The following FOXL2 variants were observed in gnomAD, a reference collection of about 807,000 sequenced individuals.
The protein encoded by FOXL2 is forkhead box L2, also known as forkhead box protein L2.
FOXL2 carries 3 observed loss-of-function variants against 2.5 expected under a neutral mutation model. That is an observed-to-expected ratio of 1.20 (90% CI 0.55 to 3.11). The LOEUF (loss-of-function observed/expected upper bound fraction) is 3.11. FOXL2 is among the 30% of genes most tolerant of loss of function. The pLI is 0.03. For synonymous variants in FOXL2, 315 were observed against 269.4 expected, an observed-to-expected ratio of 1.17 and a Z score of -1.66; for missense variants, 512 against 570.0, an observed-to-expected ratio of 0.90 and a Z score of 1.04.
chr3:138,946,256 G>T lies in FOXL2; in HGVS notation c.467C>A (p.Pro156Gln). 16 of 1,592,334 alleles carry T rather than the reference G, an allele frequency of 1.0e-5. No individual in the cohort carries two copies. Among genetic ancestry groups the T allele is most frequent in the Non-Finnish European group, 1.3e-5 (15 of 1,170,378 alleles). Residue 156 changes from proline to glutamine, a missense_variant, in exon 1 of 1, where the codon CCG becomes CAG. Transcript: ENST00000648323. ...RRRMKRPFRP[P>Q]PAHFQPGKGL... ...CTTGCCGGGCTGGAAGTGCGCGGGC[G>T]GCGGCCGGAAGGGCCTCTTCATGCG... is the stretch of plus-strand genomic sequence containing the variant.
At position 138,946,966 on chromosome 3, in the gene FOXL2, A is replaced by T; in HGVS notation, c.-244T>A. On this transcript the variant is annotated 5_prime_UTR_variant, in exon 1 of 1. Transcript: ENST00000648323. ...GCCATGGGGAGTCCGCCCAACAGAGAGGGGCTCCGGCCTCGCCGCCCCTCC... is the reference window on the plus strand; with the variant it reads ...GCCATGGGGAGTCCGCCCAACAGAGTGGGGCTCCGGCCTCGCCGCCCCTCC... The T allele has an allele frequency of 1.7e-6, 1 of 572,872 alleles. No individual in the cohort carries two copies. The highest frequency in any genetic ancestry group is 3.0e-6 in the Non-Finnish European group (1 of 330,254). 35.5% of individuals were successfully genotyped at this position (572,872 alleles called of 1,614,324 possible).
In FOXL2 at chr3:138,946,813, G is replaced by C. The variant is rs1210109831; in HGVS notation, c.-91C>G. On this transcript the variant is annotated 5_prime_UTR_variant, in exon 1 of 1. Transcript: ENST00000648323. ...AGTTGGGGCGCACGAGTCCGCTTAC[G>C]GCCAAGTCTCAAACTTCTGGAGACT... is the stretch of plus-strand genomic sequence containing the variant. 2 of 1,507,034 alleles carry C rather than the reference G, an allele frequency of 1.3e-6. No individual in the cohort carries two copies. The highest frequency in any genetic ancestry group is 1.4e-5 in the African/African-American group (1 of 70,704). The allele number at this position is 1,507,034 out of a possible 1,614,324, so 93.4% of individuals were successfully genotyped here.
chr3:138,944,811 C>CT lies in FOXL2; in HGVS notation c.*780dup, dbSNP rs35050049. ...CCGGTTGCCCGGTGAATTTTTTTTC[C>CT]TTTTTTTTTTTTTAAATACTCTCTT... is the stretch of plus-strand genomic sequence containing the variant. On this transcript the variant is annotated 3_prime_UTR_variant, in exon 1 of 1. Coordinates refer to ENST00000648323, the MANE Select transcript of FOXL2 (RefSeq NM_023067.4). 0.097 allele frequency: 20,023 copies of CT among 207,034 alleles called. 1,297 individuals are homozygous for CT. Among genetic ancestry groups the CT allele is most frequent in the African/African-American group, 0.24 (10,630 of 43,572 alleles). The allele number at this position is 207,034 out of a possible 1,614,324, so 12.8% of individuals were successfully genotyped here. A position where few individuals can be genotyped will look rare whatever the true frequency, so the allele number is the denominator to read the frequency against.
rs1935915589 is a variant in FOXL2, at chr3:138,944,920, A to G, written c.*672T>C. On this transcript the variant is annotated 3_prime_UTR_variant, in exon 1 of 1. Transcript: ENST00000648323. ...CCCGAAGCGACGGGACTGATAGCGG[A>G]GGAAACGCAGCCTCCCTCCGCGCCC... 4.3e-6 allele frequency: 1 copy of G among 232,586 alleles called. No homozygotes were observed. Among genetic ancestry groups the G allele is most frequent in the Non-Finnish European group, 8.5e-6 (1 of 117,678 alleles). The allele number at this position is 232,586 out of a possible 1,614,324, so 14.4% of individuals were successfully genotyped here.
chr3:138,946,021 C>A lies in FOXL2; in HGVS notation c.702G>T (p.Ala234=). ...AAAAAAAAAA[A]GPGSPGAAAV... is the part of the protein sequence containing the mutation. ...CGGCCGCGCCAGGGCTACCGGGGCC[C>A]GCGGCTGCAGCCGCAGCTGCTGCAG... is the stretch of plus-strand genomic sequence containing the variant. The change falls in exon 1 of 1, where the codon GCG becomes GCT. Residue 234 remains alanine, a synonymous_variant. Coordinates refer to ENST00000648323, the MANE Select transcript of FOXL2 (RefSeq NM_023067.4). 1.4e-6 allele frequency: 2 copies of A among 1,391,036 alleles called. No individual in the cohort carries two copies. The highest frequency in any genetic ancestry group is 3.0e-5 in the East Asian group (1 of 33,174). 86.2% of individuals were successfully genotyped at this position (1,391,036 alleles called of 1,614,324 possible). A position where few individuals can be genotyped will look rare whatever the true frequency, so the allele number is the denominator to read the frequency against.
At position 138,946,397 on chromosome 3, in the gene FOXL2, T is replaced by C. The variant is rs1225021224; in HGVS notation, c.326A>G (p.Asn109Ser). 1 of 1,614,006 alleles carries C rather than the reference T, an allele frequency of 6.2e-7. No homozygotes were observed. Among genetic ancestry groups the C allele is most frequent in the East Asian group, 2.2e-5 (1 of 44,846 alleles). The part of the protein sequence containing the change: ...QNSIRHNLSL[N>S]ECFIKVPREG... ...GCGCGGCACCTTGATGAAGCACTCG[T>C]TGAGGCTGAGGTTGTGGCGGATGCT... Residue 109 changes from asparagine (N) to serine (S), a missense_variant, in exon 1 of 1, where the codon AAC (asparagine) becomes AGC (serine). Physicochemically the swap from Asn to Ser is conservative, Grantham distance 46. Coordinates refer to ENST00000648323, the MANE Select transcript of FOXL2 (RefSeq NM_023067.4).
In FOXL2 at chr3:138,945,239, G is replaced by GT; in HGVS notation, c.*352_*353insA. 10 of 245,948 alleles carry GT rather than the reference G, an allele frequency of 4.1e-5. No homozygotes were observed. Among genetic ancestry groups the GT allele is most frequent in the Admixed American group, 2.1e-4 (4 of 18,762 alleles). 15.2% of individuals were successfully genotyped at this position (245,948 alleles called of 1,614,324 possible). A position where few individuals can be genotyped will look rare whatever the true frequency, so the allele number is the denominator to read the frequency against. On this transcript the variant is annotated 3_prime_UTR_variant, in exon 1 of 1. Transcript: ENST00000648323. ...CAAGAGGTCTGCGCTGCCGACGCCC[G>GT]GTCGCACCTCCGCCCCGGGCCCTTT...
At position 138,946,889 on chromosome 3, in the gene FOXL2, C is replaced by G; in HGVS notation, c.-167G>C. 2 of 1,037,110 alleles carry G rather than the reference C, an allele frequency of 1.9e-6. No homozygotes were observed. Among genetic ancestry groups the G allele is most frequent in the Non-Finnish European group, 2.8e-6 (2 of 721,204 alleles). 64.2% of individuals were successfully genotyped at this position (1,037,110 alleles called of 1,614,324 possible). ...TGGAGGCCTGTCGCTGCTCTCCCCTCTCCTTCCCCTTCCCCTAGGGAGCGG... is the reference window on the plus strand; with the variant it reads ...TGGAGGCCTGTCGCTGCTCTCCCCTGTCCTTCCCCTTCCCCTAGGGAGCGG... On this transcript the variant is annotated 5_prime_UTR_variant, in exon 1 of 1. Transcript: ENST00000648323.
In FOXL2 at chr3:138,944,954, T is replaced by A. The variant is rs1237466322; in HGVS notation, c.*638A>T. 1 of 232,754 alleles carries A rather than the reference T, an allele frequency of 4.3e-6. No individual in the cohort carries two copies. The highest frequency in any genetic ancestry group is 2.2e-5 in the African/African-American group (1 of 45,296). 14.4% of individuals were successfully genotyped at this position (232,754 alleles called of 1,614,324 possible). A position where few individuals can be genotyped will look rare whatever the true frequency, so the allele number is the denominator to read the frequency against. On this transcript the variant is annotated 3_prime_UTR_variant, in exon 1 of 1. Transcript: ENST00000648323. ...AGCCTCCCTCCGCGCCCGCCCGCGG[T>A]GTAAACCGAGTACAGGCCGTGGAGC...
rs1465408686 is a variant in FOXL2 at position 138,946,169 on chromosome 3, C to T, written c.554G>A (p.Gly185Asp). ...GCGVAGAGAD[G>D]YGYLAPPKYL... ...CTTGGGGGGCGCCAGGTAGCCGTAGCCGTCGGCCCCGGCGCCCGCCACGCC... is the reference window on the plus strand; with the variant it reads ...CTTGGGGGGCGCCAGGTAGCCGTAGTCGTCGGCCCCGGCGCCCGCCACGCC... The change falls in exon 1 of 1, where the codon GGC (glycine) becomes GAC (aspartate). Residue 185 changes from glycine to aspartate, a missense_variant. Around this residue, in one of 5 missense-constraint regions of FOXL2, gnomAD observed 287 missense variants for 277.4 expected, o/e 1.03. Coordinates refer to ENST00000648323, the MANE Select transcript of FOXL2 (RefSeq NM_023067.4). 1 of 1,483,602 alleles carries T rather than the reference C, an allele frequency of 6.7e-7. No homozygotes were observed. Among genetic ancestry groups the T allele is most frequent in the Non-Finnish European group, 8.9e-7 (1 of 1,124,308 alleles). The allele number at this position is 1,483,602 out of a possible 1,614,324, so 91.9% of individuals were successfully genotyped here. A position where few individuals can be genotyped will look rare whatever the true frequency, so the allele number is the denominator to read the frequency against.
rs2107743870 is a variant in FOXL2, at chr3:138,946,099, C to T, written c.624G>A (p.Gln208=). 1 of 1,476,416 alleles carries T rather than the reference C, an allele frequency of 6.8e-7. No homozygotes were observed. Among genetic ancestry groups the T allele is most frequent in the Non-Finnish European group, 8.9e-7 (1 of 1,122,020 alleles). 91.5% of individuals were successfully genotyped at this position (1,476,416 alleles called of 1,614,324 possible). ...AGGCATAGGGCATGGGTGAGGGAGG[C>T]TGCGGTAGCGGCCACGAGTTGTTGA... ...GFLNNSWPLP[Q]PPSPMPYASC... Residue 208 remains glutamine, a synonymous_variant, in exon 1 of 1, where the codon CAG becomes CAA. Transcript: ENST00000648323.
rs1935981692 is a variant in FOXL2 at position 138,946,627 on chromosome 3, C to T, written c.96G>A (p.Pro32=). 6.3e-7 allele frequency: 1 copy of T among 1,597,024 alleles called. No individual in the cohort carries two copies. Among genetic ancestry groups the T allele is most frequent in the Admixed American group, 1.7e-5 (1 of 58,936 alleles). ...RTVKEPEGPP[P]SPGKGGGGGG... Reference sequence around the variant, plus strand: ...CACCCCCACCGCCCTTGCCTGGGCTCGGCGGCGGCCCTTCTGGCTCCTTGA... The same window carrying T: ...CACCCCCACCGCCCTTGCCTGGGCTTGGCGGCGGCCCTTCTGGCTCCTTGA... Residue 32 remains proline (P), a synonymous_variant, in exon 1 of 1, where the codon CCG becomes CCA. Coordinates refer to ENST00000648323, the MANE Select transcript of FOXL2 (RefSeq NM_023067.4).
Position 138,946,758 on chromosome 3 carries a change from C to T in FOXL2, c.-36G>A. ...GCGCGCCGCGGCCGGGCCGCCTCTGCTCTCCGCTCCAGGCGCTGGCGCGGC... is the reference window on the plus strand; with the variant it reads ...GCGCGCCGCGGCCGGGCCGCCTCTGTTCTCCGCTCCAGGCGCTGGCGCGGC... On this transcript the variant is annotated 5_prime_UTR_variant, in exon 1 of 1. Transcript: ENST00000648323. The T allele has an allele frequency of 6.5e-7, 1 of 1,548,682 alleles. No individual in the cohort carries two copies. The highest frequency in any genetic ancestry group is 2.4e-5 in the East Asian group (1 of 41,092).
rs1431953069 is a variant in FOXL2 at position 138,946,177 on chromosome 3, C to T, written c.546G>A (p.Gly182=). ...GCGCCAGGTAGCCGTAGCCGTCGGC[C>T]CCGGCGCCCGCCACGCCGCACCCGC... ...AAGGCGVAGA[G]ADGYGYLAPP... The change falls in exon 1 of 1, where the codon GGG becomes GGA. Residue 182 remains glycine (G), a synonymous_variant. Transcript: ENST00000648323. 4 of 1,484,782 alleles carry T rather than the reference C, an allele frequency of 2.7e-6. No individual in the cohort carries two copies. The highest frequency in any genetic ancestry group is 1.5e-5 in the African/African-American group (1 of 68,136). The allele number at this position is 1,484,782 out of a possible 1,614,324, so 92.0% of individuals were successfully genotyped here. A position where few individuals can be genotyped will look rare whatever the true frequency, so the allele number is the denominator to read the frequency against.
At position 138,946,645 on chromosome 3, in the gene FOXL2, C is replaced by G. The variant is rs1376247143; in HGVS notation, c.78G>C (p.Glu26Asp). ...LAPETGRTVK[E>D]PEGPPPSPGK... ...CTGGGCTCGGCGGCGGCCCTTCTGG[C>G]TCCTTGACTGTGCGACCGGTCTCTG... is the stretch of plus-strand genomic sequence containing the variant. The change falls in exon 1 of 1, where the codon GAG becomes GAC. Residue 26 changes from glutamate (E) to aspartate (D), a missense_variant. Physicochemically the swap from Glu to Asp is conservative, Grantham distance 45. Transcript: ENST00000648323. The G allele has an allele frequency of 3.1e-6, 5 of 1,590,560 alleles. No homozygotes were observed. Among genetic ancestry groups the G allele is most frequent in the Non-Finnish European group, 4.3e-6 (5 of 1,171,920 alleles).
chr3:138,945,988 G>C lies in FOXL2; in HGVS notation c.735C>G (p.Val245=). The change falls in exon 1 of 1, where the codon GTC becomes GTG. Residue 245 remains valine, a synonymous_variant. Transcript: ENST00000648323. The part of the protein sequence containing the change: ...GPGSPGAAAV[V]KGLAGPAASY... ...AGGCGGCCGGGCCCGCCAGCCCCTT[G>C]ACCACAGCGGCCGCGCCAGGGCTAC... 1 of 1,407,728 alleles carries C rather than the reference G, an allele frequency of 7.1e-7. No individual in the cohort carries two copies. The highest frequency in any genetic ancestry group is 2.9e-5 in the East Asian group (1 of 34,416). The allele number at this position is 1,407,728 out of a possible 1,614,324, so 87.2% of individuals were successfully genotyped here.
In FOXL2 at chr3:138,945,832, G is replaced by A. The variant is rs2107743354; in HGVS notation, c.891C>T (p.His297=). ...GCGGTGCGGCGGCCGCGTGCAGATG[G>A]TGTGCGTGCGGATGCGGGTGGGGGT... ...PPHPHPHPHA[H]HLHAAAAPPP... is the part of the protein sequence containing the mutation. Residue 297 remains histidine (H), a synonymous_variant, in exon 1 of 1, where the codon CAC becomes CAT. Transcript: ENST00000648323. 4.9e-6 allele frequency: 6 copies of A among 1,214,722 alleles called. No homozygotes were observed. The South Asian group carries it at 1.2e-4, about 25-fold the overall frequency. The allele number at this position is 1,214,722 out of a possible 1,614,324, so 75.2% of individuals were successfully genotyped here. A position where few individuals can be genotyped will look rare whatever the true frequency, so the allele number is the denominator to read the frequency against.
chr3:138,946,943 CA>C lies in FOXL2; in HGVS notation c.-222del. ...GCGGGAGTGGAGCTCAGCCTCTGGCCATGGGGAGTCCGCCCAACAGAGAGGG... is the reference window on the plus strand; with the variant it reads ...GCGGGAGTGGAGCTCAGCCTCTGGCCTGGGGAGTCCGCCCAACAGAGAGGG... On this transcript the variant is annotated 5_prime_UTR_variant, in exon 1 of 1. An upstream start codon of the reference 5' UTR is lost. Coordinates refer to ENST00000648323, the MANE Select transcript of FOXL2 (RefSeq NM_023067.4). 1 of 663,388 alleles carries C rather than the reference CA, an allele frequency of 1.5e-6. No individual in the cohort carries two copies. The highest frequency in any genetic ancestry group is 3.2e-5 in the Admixed American group (1 of 31,440). The allele number at this position is 663,388 out of a possible 1,614,324, so 41.1% of individuals were successfully genotyped here. A position where few individuals can be genotyped will look rare whatever the true frequency, so the allele number is the denominator to read the frequency against.
rs902467667 is a variant in FOXL2 at position 138,944,285 on chromosome 3, A to G, written c.*1307T>C. On this transcript the variant is annotated 3_prime_UTR_variant, in exon 1 of 1. Coordinates refer to ENST00000648323, the MANE Select transcript of FOXL2 (RefSeq NM_023067.4). ...CAAGGCAAAAAACAAAAACAAAACA[A>G]AAAAACACAACAAAAGTGCTCTAGT... 2 of 233,192 alleles carry G rather than the reference A, an allele frequency of 8.6e-6. No homozygotes were observed. The highest frequency in any genetic ancestry group is 2.2e-5 in the African/African-American group (1 of 45,346). 14.4% of individuals were successfully genotyped at this position (233,192 alleles called of 1,614,324 possible). A position where few individuals can be genotyped will look rare whatever the true frequency, so the allele number is the denominator to read the frequency against.
Sources: gnomAD v4.1 joint callset for allele counts on GRCh38, gnomAD v4.1.1 for gene constraint, gnomAD v4.1.1 regional missense constraint, MANE v1.5 for transcripts, NCBI Gene and HGNC (gene_info 2026-07-23, HGNC 2026-07-21) for gene names.